The following CEP290 variants were observed in gnomAD, a reference collection of about 807,000 sequenced individuals.
The protein encoded by CEP290 is centrosomal protein of 290 kDa.
A neutral mutation model predicts 344.9 loss-of-function variants in CEP290; 317 were observed. That is an observed-to-expected ratio of 0.92 (90% CI 0.84 to 1.01). The LOEUF (loss-of-function observed/expected upper bound fraction) is 1.01. Ranked by LOEUF, CEP290 falls within the 50% of genes least tolerant of loss-of-function variation. The pLI is 0.00. For missense variants in CEP290, 2,754 were observed against 2,761.4 expected, an observed-to-expected ratio of 1.00 and a Z score of 0.06; for synonymous variants, 932 against 895.8, an observed-to-expected ratio of 1.04 and a Z score of -0.72.
At chr12:88,057,563 C>T (rs961268950) in intron 49 of CEP290, among the ~76,000 whole-genome samples, 4 of 152,158 alleles carry the variant, frequency 2.6e-5, no homozygotes, top group African/African-American at 4.8e-5. Context: ...TTTGTTCTCA[C>T]CTTGACACTG....
At chr12:88,098,622 G>A (rs1427397576) in intron 26 of CEP290, among the ~76,000 whole-genome samples, 1 of 151,564 alleles carries the variant, frequency 6.6e-6, no homozygotes, top group Admixed American at 6.6e-5. Context: ...AAAAAAAAAA[G>A]TTGACATTTA....
chr12:88,118,281 T>C (rs1341526776), intron 17 of CEP290, among the ~76,000 whole-genome samples: 3 of 152,136 alleles, frequency 2.0e-5, no homozygotes, highest in Non-Finnish European at 2.9e-5. Context: ...GTTATTTTGT[T>C]TTGTTTTGTT....
chr12:88,076,455 C>T (rs1382131405), intron 41 of CEP290, among the ~76,000 whole-genome samples: 2 of 151,908 alleles, frequency 1.3e-5, no homozygotes, highest in African/African-American at 2.4e-5. Context: ...TTTTCCTAAC[C>T]ATAGCTCCTC....
intron 18 of CEP290, chr12:88,115,991 T>G (rs1452965252): frequency 1.0e-6 from 1 of 985,032 alleles, no homozygotes; most frequent in African/African-American, 1.7e-5. Context: ...GTTCTTCTTC[T>G]AATGTTGCTA....
At chr12:88,087,148 G>C (rs2036642981) in intron 32 of CEP290, among the ~76,000 whole-genome samples, 1 of 152,120 alleles carries the variant, frequency 6.6e-6, no homozygotes, top group Non-Finnish European at 1.5e-5. Flanking sequence ...TGTCTCTGAA[G>C]TATATACTTT....
chr12:88,110,013 C>A lies in CEP290; in HGVS notation c.2368-832G>T, dbSNP rs58257489. ...ATAAGTAGTTAAGGCTGTCCTTAGA[C>A]AACATAAAATAATAATAAAAATCCC... On this transcript the variant is annotated intron_variant, in intron 22 of 53. Coordinates refer to ENST00000552810, the MANE Select transcript of CEP290 (RefSeq NM_025114.4). 8.2e-3 allele frequency among the ~76,000 whole-genome samples: 1,242 copies of A among 151,806 alleles called. 21 individuals are homozygous for A. The highest frequency in any genetic ancestry group is 0.029 in the African/African-American group (1,193 of 41,422).
rs778060188 is a variant in CEP290 at position 88,130,523 on chromosome 12, T to C, written c.516+22A>G. The stretch of plus-strand genomic sequence containing the variant: ...ACAACATATTTTAAATTCCCAAGAT[T>C]TCACCACACTTAAAGCCTCACCTTT... On this transcript the variant is annotated intron_variant, in intron 8 of 53. Transcript: ENST00000552810. 6.3e-6 allele frequency: 10 copies of C among 1,594,388 alleles called. No homozygotes were observed. The Admixed American group carries it at 1.8e-4, about 28-fold the overall frequency.
At position 88,129,774 on chromosome 12, in the gene CEP290, T is replaced by G. The variant is rs979378806; in HGVS notation, c.772A>C (p.Asn258His). 6.7e-7 allele frequency: 1 copy of G among 1,487,562 alleles called. No homozygotes were observed. Among genetic ancestry groups the G allele is most frequent in the Admixed American group, 2.4e-5 (1 of 42,220 alleles). The allele number at this position is 1,487,562 out of a possible 1,614,324, so 92.1% of individuals were successfully genotyped here. A position where few individuals can be genotyped will look rare whatever the true frequency, so the allele number is the denominator to read the frequency against. ...TGATGCACAATAGCTTTCATTCTAT[T>G]ATATTCATCAGTCATCTTCTCCATT... The part of the protein sequence containing the change: ...QEMEKMTDEY[N>H]RMKAIVHQTD... Residue 258 changes from asparagine to histidine, a missense_variant, in exon 10 of 54, where the codon AAT becomes CAT. Transcript: ENST00000552810.
In CEP290 at chr12:88,071,453, T is replaced by G; in HGVS notation, c.5856-4A>C. On this transcript the variant is annotated splice_region_variant and splice_polypyrimidine_tract_variant and intron_variant, in intron 42 of 53. Transcript: ENST00000552810. ...AGTAAGTTTCTCTTTATCGGCTCTG[T>G]GGAATTTAATATAGAATCATGAAAT... 6.3e-7 allele frequency: 1 copy of G among 1,593,634 alleles called. No individual in the cohort carries two copies. Among genetic ancestry groups the G allele is most frequent in the Non-Finnish European group, 8.5e-7 (1 of 1,173,946 alleles).
intron 26 of CEP290, among the ~76,000 whole-genome samples, chr12:88,099,104 A>G (rs1028326378): frequency 2.0e-4 from 31 of 152,242 alleles, no homozygotes; most frequent in African/African-American, 7.2e-4. Flanking sequence ...AACTAGCCAG[A>G]AAGACATTGT....
intron 14 of CEP290, 29 bp downstream of exon 14, chr12:88,120,968 T>C (rs755701313): frequency 6.3e-7 from 1 of 1,586,404 alleles, no homozygotes; most frequent in Non-Finnish European, 8.6e-7. Flanking sequence ...AATTCTAAGC[T>C]CCTTGAATGA....
chr12:88,126,517 C>T, intron 11 of CEP290, 79 bp from the exon 12 acceptor site: 1 of 959,118 alleles, frequency 1.0e-6, no homozygotes, highest in Non-Finnish European at 1.5e-6. Flanking sequence ...ATAATAAACA[C>T]CGTTAGTAGA....
At chr12:88,080,490 C>G in intron 37 of CEP290, 95 bp from the exon 38 acceptor site, 2 of 877,314 alleles carry the variant, frequency 2.3e-6, no homozygotes, top group South Asian at 3.9e-5. Flanking sequence ...AGTGCAGCAG[C>G]GCAATCTCGG....
rs2137188485 is a variant in CEP290, at chr12:88,084,802, C to T, written c.4488G>A (p.Leu1496=). ...SALRLAEQNI[L]SRDKVINELR... ...GTTCATTGATTACTTTGTCTCTTGA[C>T]AGTATATTTTGTTCTGCTAACCTTA... The change falls in exon 35 of 54, where the codon CTG becomes CTA. Residue 1496 remains leucine (L), a synonymous_variant. Coordinates refer to ENST00000552810, the MANE Select transcript of CEP290 (RefSeq NM_025114.4). 6.2e-7 allele frequency: 1 copy of T among 1,610,618 alleles called. No homozygotes were observed.
intron 44 of CEP290, among the ~76,000 whole-genome samples, chr12:88,065,603 C>A (rs2034859460): frequency 6.6e-6 from 1 of 152,182 alleles, no homozygotes; most frequent in Non-Finnish European, 1.5e-5. Flanking sequence ...GCTCTTCTAT[C>A]TCCCAAACTT....
chr12:88,061,830 G>A (rs963945653), intron 46 of CEP290, among the ~76,000 whole-genome samples: 9 of 151,680 alleles, frequency 5.9e-5, no homozygotes, highest in Admixed American at 2.0e-4. Flanking sequence ...CCAGGCTGGA[G>A]TACAGTTGTG....
chr12:88,078,331 G>C (rs1024117182), intron 39 of CEP290, among the ~76,000 whole-genome samples: 4 of 152,028 alleles, frequency 2.6e-5, no homozygotes, highest in African/African-American at 9.7e-5. Context: ...AGTTTACAAA[G>C]ATAAGATATA....
At chr12:88,115,919 T>C (rs964518468) in intron 18 of CEP290, 2 of 984,824 alleles carry the variant, frequency 2.0e-6, no homozygotes, top group Non-Finnish European at 2.4e-6. Context: ...GTAAGGGTAC[T>C]TCACTTTTTA....
chr12:88,133,623 G>A (rs371288632), intron 6 of CEP290, among the ~76,000 whole-genome samples: 10 of 152,074 alleles, frequency 6.6e-5, no homozygotes, highest in Admixed American at 2.0e-4. Context: ...CTAGATCTTC[G>A]AGGAATTGCC....
Sources: gnomAD v4.1 joint callset for allele counts (sites outside exome capture counted in the v4.1 genomes callset) on GRCh38, gnomAD v4.1.1 for gene constraint, MANE v1.5 for transcripts, NCBI Gene and HGNC (gene_info 2026-07-23, HGNC 2026-07-21) for gene names.